The following SPRYD3 variants were observed in gnomAD, a reference collection of about 807,000 sequenced individuals.
The protein encoded by SPRYD3 is SPRY domain containing 3, also known as SPRY domain-containing protein 3.
A neutral mutation model predicts 50.1 loss-of-function variants in SPRYD3; 17 were observed. The observed-to-expected ratio is 0.34, with a 90% CI of 0.23 to 0.51. The LOEUF (loss-of-function observed/expected upper bound fraction) is 0.51, where lower values mean the gene tolerates loss of function less well. Among genes scored for constraint, SPRYD3 ranks in the 20% least tolerant of loss-of-function variants. The pLI, the probability that SPRYD3 is intolerant of heterozygous loss-of-function variation, is 0.97. For synonymous variants in SPRYD3, 198 were observed against 215.5 expected, an observed-to-expected ratio of 0.92 and a Z score of 0.71; for missense variants, 401 against 591.2, an observed-to-expected ratio of 0.68 and a Z score of 3.34.
chr12:53,067,596 A>G (rs1415087224), intron 8 of SPRYD3, 52 bp downstream of exon 8: 11 of 1,546,558 alleles, frequency 7.1e-6, no homozygotes, highest in Non-Finnish European at 9.8e-6. Flanking sequence ...GGATGTCCCT[A>G]TGCCTCCACA....
chr12:53,065,655 A>G lies in SPRYD3; in HGVS notation c.*177T>C. The G allele has an allele frequency of 1.5e-6, 1 of 651,572 alleles. No individual in the cohort carries two copies. The highest frequency in any genetic ancestry group is 2.7e-6 in the Non-Finnish European group (1 of 372,376). The allele number at this position is 651,572 out of a possible 1,614,324, so 40.4% of individuals were successfully genotyped here. On this transcript the variant is annotated 3_prime_UTR_variant, in exon 11 of 11. Coordinates refer to ENST00000301463, the MANE Select transcript of SPRYD3 (RefSeq NM_032840.3). The stretch of plus-strand genomic sequence containing the variant: ...CCCAGGGACTGACAACAGTGGCAGC[A>G]CCAGGTCAGAAACGTGGGCACAGAG...
At chr12:53,068,045 C>T (rs1008980074) in intron 7 of SPRYD3, 110 bp downstream of exon 7, 8 of 1,265,030 alleles carry the variant, frequency 6.3e-6, no homozygotes, top group Non-Finnish European at 9.0e-6. Context: ...TAGCACCCTC[C>T]CTCCAAAGCC....
At chr12:53,075,655 T>C (rs1944582705) in intron 3 of SPRYD3, 81 bp downstream of exon 3, 11 of 1,129,986 alleles carry the variant, frequency 9.7e-6, no homozygotes, top group Middle Eastern at 1.9e-4. Context: ...AGGTCATACA[T>C]CTAGTAAAGG....
intron 1 of SPRYD3, among the ~76,000 whole-genome samples, chr12:53,078,467 T>A (rs1944606749): frequency 7.0e-6 from 1 of 143,496 alleles, no homozygotes. Flanking sequence ...CCAGCCTGGG[T>A]GACAGAAACT....
Position 53,065,795 on chromosome 12 carries a change from G to A in SPRYD3, c.*37C>T. The A allele has an allele frequency of 1.3e-6, 2 of 1,593,806 alleles. No homozygotes were observed. Among genetic ancestry groups the A allele is most frequent in the Non-Finnish European group, 8.6e-7 (1 of 1,166,808 alleles). Reference sequence around the variant, plus strand: ...AACTGGGTGCCTGGCCCAGCAGAGGGTGAGCAGGGAGAAGGAGCAGGTCTG... The same window carrying A: ...AACTGGGTGCCTGGCCCAGCAGAGGATGAGCAGGGAGAAGGAGCAGGTCTG... On this transcript the variant is annotated 3_prime_UTR_variant, in exon 11 of 11. Transcript: ENST00000301463.
chr12:53,072,687 C>T (rs927767902), intron 6 of SPRYD3, among the ~76,000 whole-genome samples: 1 of 152,176 alleles, frequency 6.6e-6, no homozygotes, highest in Non-Finnish European at 1.5e-5. Context: ...CGCTTCCCAA[C>T]GAAGCTTAAA....
intron 1 of SPRYD3, 36 bp from the exon 2 acceptor site, chr12:53,077,297 G>T: frequency 6.2e-7 from 1 of 1,612,138 alleles, no homozygotes. Flanking sequence ...GAGAAAGCAG[G>T]GCCCTAGGTA....
In SPRYD3 at chr12:53,074,126, A is replaced by C. The variant is rs1177618853; in HGVS notation, c.507+523T>G. 6.6e-6 allele frequency among the ~76,000 whole-genome samples: 1 copy of C among 152,132 alleles called. No homozygotes were observed. Among genetic ancestry groups the C allele is most frequent in the African/African-American group, 2.4e-5 (1 of 41,412 alleles). ...ACCAATTTCCCAATGTGGGAGATGG[A>C]GTTGGAGAGAAGGGAGAGAGCTGTG... On this transcript the variant is annotated intron_variant, in intron 5 of 10. Coordinates refer to ENST00000301463, the MANE Select transcript of SPRYD3 (RefSeq NM_032840.3). The surrounding 1 kb of genome is among the most constrained non-coding windows in gnomAD (Gnocchi z 4.6).
chr12:53,073,255 A>AGGCCCCGGGGGGGGGGGG, intron 6 of SPRYD3, 31 bp downstream of exon 6: 11 of 383,660 alleles, frequency 2.9e-5, no homozygotes, highest in Admixed American at 4.5e-5. Context: ...CCTCCGACCC[A>AGGCCCCGGGGGGGGGGGG]GCCCCTCCCA....
At chr12:53,068,443 A>G (rs1215763404) in intron 6 of SPRYD3, 139 bp from the exon 7 acceptor site, 5 of 1,056,954 alleles carry the variant, frequency 4.7e-6, no homozygotes, top group Non-Finnish European at 6.8e-6. Context: ...CTAGAGATAC[A>G]ATGTGGCCCC....
intron 6 of SPRYD3, among the ~76,000 whole-genome samples, chr12:53,069,818 G>A (rs1028705062): frequency 6.6e-6 from 1 of 152,122 alleles, no homozygotes; most frequent in African/African-American, 2.4e-5. Flanking sequence ...CCCAGGCAGA[G>A]CAGCCCCCAG....
intron 6 of SPRYD3, among the ~76,000 whole-genome samples, chr12:53,072,120 C>T (rs1204057749): frequency 9.9e-5 from 15 of 152,182 alleles, no homozygotes; most frequent in Admixed American, 3.3e-4. Flanking sequence ...GCTGGAACAT[C>T]GCCCTGGCGC....
intron 6 of SPRYD3, among the ~76,000 whole-genome samples, chr12:53,069,538 G>A (rs575028718): frequency 6.6e-6 from 1 of 152,360 alleles, no homozygotes; most frequent in African/African-American, 2.4e-5. Flanking sequence ...CCTTCTGAGA[G>A]TAGGACTAGA....
chr12:53,073,565 C>T, intron 5 of SPRYD3, 94 bp from the exon 6 acceptor site: 1 of 1,081,518 alleles, frequency 9.2e-7, no homozygotes, highest in African/African-American at 1.6e-5. Context: ...ATGCAACCAG[C>T]CGGGCGTGGT....
intron 1 of SPRYD3, chr12:53,078,085 C>T (rs1011370733): frequency 4.4e-6 from 2 of 454,500 alleles, no homozygotes; most frequent in African/African-American, 4.0e-5. Flanking sequence ...ACTAAGGAGA[C>T]TGAAGATGGC....
At chr12:53,068,079 G>A (rs964816418) in intron 7 of SPRYD3, 76 bp downstream of exon 7, 3 of 1,566,622 alleles carry the variant, frequency 1.9e-6, no homozygotes, top group Non-Finnish European at 2.6e-6. Context: ...TTTCTCCTAA[G>A]AGCTTCCTGG....
intron 2 of SPRYD3, among the ~76,000 whole-genome samples, chr12:53,076,097 G>C (rs1022012095): frequency 3.3e-5 from 5 of 152,310 alleles, no homozygotes; most frequent in African/African-American, 1.2e-4. Context: ...GCCTAAGAGA[G>C]GTCTCACAAC....
At chr12:53,067,259 A>G (rs532741157) in intron 8 of SPRYD3, among the ~76,000 whole-genome samples, 63 of 152,092 alleles carry the variant, frequency 4.1e-4, no homozygotes, top group African/African-American at 1.4e-3. Flanking sequence ...GGAAGGAATG[A>G]ACACCCAGGG....
chr12:53,070,041 T>C (rs1944538255), intron 6 of SPRYD3, among the ~76,000 whole-genome samples: 1 of 152,184 alleles, frequency 6.6e-6, no homozygotes, highest in Non-Finnish European at 1.5e-5. Context: ...CATTTCTGTC[T>C]CTGGATAGGG....
Sources: allele counts gnomAD v4.1 joint callset (sites outside exome capture counted in the v4.1 genomes callset), GRCh38; gene constraint gnomAD v4.1.1; non-coding constraint Gnocchi (gnomAD v3.1); transcripts MANE v1.5; gene names NCBI Gene and HGNC (gene_info 2026-07-23, HGNC 2026-07-21).